The following GRM4 variants were observed in gnomAD, a reference collection of about 807,000 sequenced individuals.
The protein encoded by GRM4 is glutamate metabotropic receptor 4.
GRM4 carries 28 observed loss-of-function variants against 81.7 expected under a neutral mutation model. That is an observed-to-expected ratio of 0.34 (90% CI 0.25 to 0.47). GRM4 has a LOEUF of 0.47. Ranked by LOEUF, GRM4 falls within the 20% of genes least tolerant of loss-of-function variation. The probability of loss-of-function intolerance (pLI) is 1.00; values close to 1 mark genes in which losing one functional copy is unlikely to be tolerated. For missense variants in GRM4, 948 were observed against 1,290.0 expected, an observed-to-expected ratio of 0.73 and a Z score of 4.06; for synonymous variants, 488 against 528.8, an observed-to-expected ratio of 0.92 and a Z score of 1.06.
intron 6 of GRM4, among the ~76,000 whole-genome samples, chr6:34,043,714 C>CT (rs1414587272): frequency 1.3e-5 from 2 of 152,158 alleles, no homozygotes; most frequent in African/African-American, 4.8e-5. Flanking sequence ...GCCACTTGGG[C>CT]TCGGGGCCAA....
intron 3 of GRM4, among the ~76,000 whole-genome samples, chr6:34,067,124 C>T (rs991909564): frequency 6.6e-6 from 1 of 152,184 alleles, no homozygotes; most frequent in African/African-American, 2.4e-5. Context: ...GTCACCACCC[C>T]AGGCTTCAGG....
Position 34,069,684 on chromosome 6 carries a change from G to A in GRM4, c.737-7656C>T, listed in dbSNP as rs866812401. Among the ~76,000 whole-genome samples, 13 of 138,260 alleles carry A rather than the reference G, an allele frequency of 9.4e-5. No individual in the cohort carries two copies. The highest frequency in any genetic ancestry group is 3.6e-3 in the Middle Eastern group (1 of 280). The allele number at this position is 138,260 out of a possible 152,430, so 90.7% of individuals were successfully genotyped here. A position where few individuals can be genotyped will look rare whatever the true frequency, so the allele number is the denominator to read the frequency against. The stretch of plus-strand genomic sequence containing the variant: ...TGTGTGTGTGTGTGTGTGTGTGTGT[G>A]TGTGACCCTGAGCGCCTGCCTCTTC... On this transcript the variant is annotated intron_variant, in intron 3 of 10. Coordinates refer to ENST00000538487, the MANE Select transcript of GRM4 (RefSeq NM_000841.4). The surrounding 1 kb of genome is among the most constrained non-coding windows in gnomAD (Gnocchi z 6.4).
rs984943904 is a variant in GRM4, at chr6:34,136,408, G to A, written c.-363-2549C>T. On this transcript the variant is annotated intron_variant, in intron 1 of 10. Transcript: ENST00000538487. This position sits in a 1 kb window ranked among gnomAD's most constrained non-coding sequence, Gnocchi z 4.1. ...TGGCATCATGACAGGCTGTGTGCTG[G>A]GGCTACAGCAGGGCAGATTCAGGCT... Among the ~76,000 whole-genome samples, 1 of 152,070 alleles carries A rather than the reference G, an allele frequency of 6.6e-6. No homozygotes were observed.
chr6:34,123,285 G>A (rs1182039528), intron 2 of GRM4, among the ~76,000 whole-genome samples: 1 of 152,194 alleles, frequency 6.6e-6, no homozygotes, highest in African/African-American at 2.4e-5. Context: ...AAGTCCCCAT[G>A]CAAGGAGGCT....
At chr6:34,058,804 G>A (rs1483705411) in intron 5 of GRM4, among the ~76,000 whole-genome samples, 170 bp downstream of exon 5, 1 of 146,468 alleles carries the variant, frequency 6.8e-6, no homozygotes, top group African/African-American at 2.6e-5. Context: ...GTTGCACGTG[G>A]CCTAAAAGAA....
At chr6:34,098,388 C>T (rs1403162929) in intron 2 of GRM4, among the ~76,000 whole-genome samples, 1 of 152,190 alleles carries the variant, frequency 6.6e-6, no homozygotes, top group Admixed American at 6.5e-5. Context: ...TCCAGGCCTC[C>T]AGCTCTGCCC....
intron 2 of GRM4, among the ~76,000 whole-genome samples, chr6:34,122,575 G>A (rs1246305784): frequency 2.7e-5 from 4 of 148,544 alleles, no homozygotes; most frequent in Non-Finnish European, 4.5e-5. Context: ...TTAGAAAGTC[G>A]GGAGAAAAAT....
At position 34,028,353 on chromosome 6, in the gene GRM4, G is replaced by A. The variant is rs754789724; in HGVS notation, c.2456C>T (p.Thr819Met). Reference sequence around the variant, plus strand: ...ACTCACCGAGACCGTCAGCGTCGTCGTCTGGATGTACAGCTGGCGGAGGGC... The same window carrying A: ...ACTCACCGAGACCGTCAGCGTCGTCATCTGGATGTACAGCTGGCGGAGGGC... ...SQSADKLYIQ[T>M]TTLTVSVSLS... is the part of the protein sequence containing the mutation. Residue 819 changes from threonine (T) to methionine (M), a missense_variant, in exon 10 of 11, where the codon ACG becomes ATG. Transcript: ENST00000538487. 36 of 1,610,356 alleles carry A rather than the reference G, an allele frequency of 2.2e-5. No homozygotes were observed. The highest frequency in any genetic ancestry group is 1.6e-4 in the Middle Eastern group (1 of 6,080).
At chr6:34,044,199 CATATAT>C (rs533677306) in intron 6 of GRM4, among the ~76,000 whole-genome samples, 1 of 136,148 alleles carries the variant, frequency 7.3e-6, no homozygotes, top group African/African-American at 3.0e-5. Flanking sequence ...TATACACACA[CATATAT>C]ATACATACAT....
chr6:34,062,970 A>G (rs1370828888), intron 3 of GRM4: 3 of 152,274 alleles, frequency 2.0e-5, no homozygotes, highest in African/African-American at 7.2e-5. Context: ...AAAGCCACAC[A>G]GTTACCTGCC....
At chr6:34,135,640 C>T (rs1032778315) in intron 1 of GRM4, among the ~76,000 whole-genome samples, 15 of 147,024 alleles carry the variant, frequency 1.0e-4, no homozygotes, top group African/African-American at 3.6e-4. Context: ...AAATACAAGG[C>T]GGGGAGCTGC....
intron 3 of GRM4, chr6:34,062,974 A>T (rs1260490093): frequency 6.6e-6 from 1 of 152,250 alleles, no homozygotes; most frequent in Non-Finnish European, 1.5e-5. Context: ...CCACACAGTT[A>T]CCTGCCCTAC....
At chr6:34,141,666 C>T (rs914218962) in intron 1 of GRM4, among the ~76,000 whole-genome samples, 3 of 133,412 alleles carry the variant, frequency 2.2e-5, no homozygotes, top group Admixed American at 7.7e-5. Context: ...AACAGTCTCT[C>T]GGGCCTGCAG....
chr6:34,134,337 C>A (rs73415075), intron 1 of GRM4, among the ~76,000 whole-genome samples: 1,726 of 152,292 alleles, frequency 0.011, 27 homozygotes, highest in African/African-American at 0.035. Flanking sequence ...ATGCCTACTG[C>A]AGCCCAGCTT....
rs1185389845 is a variant in GRM4 at position 34,114,359 on chromosome 6, C to T, written c.519+18619G>A. On this transcript the variant is annotated intron_variant, in intron 2 of 10. Coordinates refer to ENST00000538487, the MANE Select transcript of GRM4 (RefSeq NM_000841.4). This position sits in a 1 kb window ranked among gnomAD's most constrained non-coding sequence, Gnocchi z 4.3. ...TGGATATATGAACCAATGGATGTCA[C>T]TATGCATAAGGCCATCATCCGGGCC... 1.3e-5 allele frequency among the ~76,000 whole-genome samples: 2 copies of T among 152,188 alleles called. No individual in the cohort carries two copies. Among genetic ancestry groups the T allele is most frequent in the East Asian group, 3.8e-4 (2 of 5,196 alleles).
chr6:34,023,638 C>A (rs1763999425), intron 10 of GRM4, among the ~76,000 whole-genome samples: 1 of 152,158 alleles, frequency 6.6e-6, no homozygotes, highest in Admixed American at 6.5e-5. Context: ...CTGGCCCTTA[C>A]TCCACACCAG....
chr6:34,133,628 G>A lies in GRM4; in HGVS notation c.-132C>T. Reference sequence around the variant, plus strand: ...GGGACTGAGGGCAGCCAACCGCGTAGCCCATGCTGCTACCCTCTCCCACCT... The same window carrying A: ...GGGACTGAGGGCAGCCAACCGCGTAACCCATGCTGCTACCCTCTCCCACCT... On this transcript the variant is annotated 5_prime_UTR_variant, in exon 2 of 11. Transcript: ENST00000538487. The surrounding 1 kb of genome is among the most constrained non-coding windows in gnomAD (Gnocchi z 6.5). The A allele has an allele frequency of 1.4e-6, 2 of 1,438,418 alleles. No individual in the cohort carries two copies. Among genetic ancestry groups the A allele is most frequent in the Non-Finnish European group, 1.8e-6 (2 of 1,102,370 alleles). 89.1% of individuals were successfully genotyped at this position (1,438,418 alleles called of 1,614,324 possible). A position where few individuals can be genotyped will look rare whatever the true frequency, so the allele number is the denominator to read the frequency against.
chr6:34,141,260 C>T (rs1770680098), intron 1 of GRM4, among the ~76,000 whole-genome samples: 1 of 152,144 alleles, frequency 6.6e-6, no homozygotes, highest in Admixed American at 6.5e-5. Context: ...TCCAGGCTCT[C>T]CTGGGACTCA....
Position 34,133,050 on chromosome 6 carries a change from A to G in GRM4, c.447T>C (p.Arg149=). The G allele has an allele frequency of 6.2e-7, 1 of 1,613,810 alleles. No homozygotes were observed. The highest frequency in any genetic ancestry group is 8.5e-7 in the Non-Finnish European group (1 of 1,179,794). ...CTGAAGCACCGATGACACCCACCAC[A>G]CGTTCAGGCTTGGTGATGATGGGTG... is the stretch of plus-strand genomic sequence containing the variant. ...GGPPIITKPE[R]VVGVIGASGS... Residue 149 remains arginine (R), a synonymous_variant, in exon 2 of 11, where the codon CGT becomes CGC. Coordinates refer to ENST00000538487, the MANE Select transcript of GRM4 (RefSeq NM_000841.4). The surrounding 1 kb of genome is among the most constrained non-coding windows in gnomAD (Gnocchi z 6.5).
Sources: allele counts gnomAD v4.1 joint callset (sites outside exome capture counted in the v4.1 genomes callset), GRCh38; gene constraint gnomAD v4.1.1; non-coding constraint Gnocchi (gnomAD v3.1); transcripts MANE v1.5; gene names NCBI Gene and HGNC (gene_info 2026-07-23, HGNC 2026-07-21).